The following TESC variants were observed in gnomAD, a reference collection of about 807,000 sequenced individuals.
The protein encoded by TESC is calcineurin B homologous protein 3.
A neutral mutation model predicts 31.0 loss-of-function variants in TESC; 19 were observed. The observed-to-expected ratio is 0.61, with a 90% CI of 0.43 to 0.90. The LOEUF (loss-of-function observed/expected upper bound fraction) is 0.90, where lower values mean the gene tolerates loss of function less well. TESC is among the 40% of genes least tolerant of loss of function. The pLI, the probability that TESC is intolerant of heterozygous loss-of-function variation, is 0.00. For synonymous variants in TESC, 109 were observed against 114.8 expected, an observed-to-expected ratio of 0.95 and a Z score of 0.32; for missense variants, 248 against 303.8, an observed-to-expected ratio of 0.82 and a Z score of 1.36.
intron 6 of TESC, among the ~76,000 whole-genome samples, chr12:117,043,686 G>A (rs1308400826): frequency 6.6e-6 from 1 of 152,054 alleles, no homozygotes; most frequent in African/African-American, 2.4e-5. Flanking sequence ...GGCTGGTCTC[G>A]AACTCCTGAC....
chr12:117,060,837 G>A (rs773514831), intron 2 of TESC, among the ~76,000 whole-genome samples: 1 of 152,192 alleles, frequency 6.6e-6, no homozygotes, highest in Non-Finnish European at 1.5e-5. Context: ...CCTGAGAAAG[G>A]GACCACGTGG....
At position 117,056,929 on chromosome 12, in the gene TESC, A is replaced by G. The variant is rs770302499; in HGVS notation, c.129-43T>C. 4 of 1,600,820 alleles carry G rather than the reference A, an allele frequency of 2.5e-6. No homozygotes were observed. The Admixed American group carries it at 6.7e-5, about 27-fold the overall frequency. On this transcript the variant is annotated intron_variant, in intron 2 of 7. Transcript: ENST00000335209. ...GAGATACCGGGAAGAGAATAAGGAA[A>G]GATAGCAGACGTCAGCTGGCATTTT...
chr12:117,059,392 C>G (rs964020629), intron 2 of TESC, among the ~76,000 whole-genome samples: 1 of 152,186 alleles, frequency 6.6e-6, no homozygotes, highest in African/African-American at 2.4e-5. Context: ...CTCATGGCCT[C>G]TGGCCAAACT....
chr12:117,061,400 C>CA (rs369485591), intron 2 of TESC, among the ~76,000 whole-genome samples: 2 of 152,172 alleles, frequency 1.3e-5, no homozygotes, highest in African/African-American at 4.8e-5. Flanking sequence ...CCCAGGTGTC[C>CA]AGACCCTGGA....
At chr12:117,065,444 A>G (rs936715168) in intron 2 of TESC, among the ~76,000 whole-genome samples, 1 of 152,190 alleles carries the variant, frequency 6.6e-6, no homozygotes, top group African/African-American at 2.4e-5. Context: ...GCTGCCGTTC[A>G]CCACAGAGGA....
At chr12:117,040,890 C>A (rs920094554) in intron 7 of TESC, among the ~76,000 whole-genome samples, 14 of 152,216 alleles carry the variant, frequency 9.2e-5, no homozygotes, top group Admixed American at 5.9e-4. Context: ...GGCTCCTTGG[C>A]CAGAAGCCGT....
intron 1 of TESC, among the ~76,000 whole-genome samples, chr12:117,078,337 G>A (rs1955100585): frequency 6.6e-6 from 1 of 152,078 alleles, no homozygotes; most frequent in African/African-American, 2.4e-5. Flanking sequence ...ATGGTGGTAG[G>A]TACCTGTAAT....
chr12:117,046,122 G>C (rs914416079), intron 6 of TESC, among the ~76,000 whole-genome samples: 1 of 152,170 alleles, frequency 6.6e-6, no homozygotes, highest in African/African-American at 2.4e-5. Context: ...ATCGGCTCTT[G>C]TCAGCCCCCA....
At chr12:117,089,666 G>C (rs1018380349) in intron 1 of TESC, among the ~76,000 whole-genome samples, 3 of 152,132 alleles carry the variant, frequency 2.0e-5, no homozygotes, top group Admixed American at 6.6e-5. Flanking sequence ...TAGCTGAAGA[G>C]AGAATTAGTG....
At chr12:117,091,972 T>C (rs1048917552) in intron 1 of TESC, among the ~76,000 whole-genome samples, 1 of 152,204 alleles carries the variant, frequency 6.6e-6, no homozygotes, top group Non-Finnish European at 1.5e-5. Context: ...CTCCCGGCAC[T>C]GCACTTGGCA....
In TESC at chr12:117,046,853, G is replaced by A; in HGVS notation, c.350-15C>T. On this transcript the variant is annotated splice_polypyrimidine_tract_variant and intron_variant, in intron 4 of 7. Coordinates refer to ENST00000335209, the MANE Select transcript of TESC (RefSeq NM_017899.4). ...GTGGAACAGAACTAGGGTGGCAGGG[G>A]AGAGAGGGGACTCCGTCAGGCGGGG... The A allele has an allele frequency of 6.4e-7, 1 of 1,561,442 alleles. No individual in the cohort carries two copies. The highest frequency in any genetic ancestry group is 1.2e-5 in the South Asian group (1 of 84,898).
chr12:117,064,860 A>T (rs1215699763), intron 2 of TESC, among the ~76,000 whole-genome samples: 2 of 152,324 alleles, frequency 1.3e-5, no homozygotes, highest in Admixed American at 1.3e-4. Flanking sequence ...GAGGCCAGGG[A>T]TGCTGCTCAG....
At chr12:117,055,822 G>A (rs947532071) in intron 3 of TESC, among the ~76,000 whole-genome samples, 2 of 152,108 alleles carry the variant, frequency 1.3e-5, no homozygotes, top group African/African-American at 4.8e-5. Flanking sequence ...AGCTCATGAG[G>A]CTTTGAGACC....
At chr12:117,051,737 G>T (rs74375460) in intron 3 of TESC, among the ~76,000 whole-genome samples, 22 of 152,180 alleles carry the variant, frequency 1.4e-4, no homozygotes, top group African/African-American at 5.1e-4. Context: ...CCTTCTCTGG[G>T]AACCTTGTGA....
chr12:117,050,367 G>A (rs1204679802), intron 3 of TESC, among the ~76,000 whole-genome samples: 1 of 152,208 alleles, frequency 6.6e-6, no homozygotes, highest in Non-Finnish European at 1.5e-5. Context: ...GCTCTCACTA[G>A]TTCAAAATTT....
intron 3 of TESC, among the ~76,000 whole-genome samples, chr12:117,056,159 G>A (rs1227204922): frequency 1.3e-5 from 2 of 151,988 alleles, no homozygotes; most frequent in African/African-American, 2.4e-5. Flanking sequence ...GACCTCAAGT[G>A]ATCTGCCCAT....
At chr12:117,083,550 A>G (rs1955177297) in intron 1 of TESC, among the ~76,000 whole-genome samples, 1 of 152,254 alleles carries the variant, frequency 6.6e-6, no homozygotes, top group African/African-American at 2.4e-5. Context: ...ACAGAACATT[A>G]TTCAGCAAAA....
intron 2 of TESC, among the ~76,000 whole-genome samples, chr12:117,067,783 T>A (rs905029623): frequency 6.6e-6 from 1 of 152,216 alleles, no homozygotes; most frequent in Non-Finnish European, 1.5e-5. Context: ...AAAATGGGGA[T>A]AATAATGTCA....
At chr12:117,047,276 T>G (rs1954582837) in intron 4 of TESC, among the ~76,000 whole-genome samples, 1 of 152,190 alleles carries the variant, frequency 6.6e-6, no homozygotes, top group African/African-American at 2.4e-5. Flanking sequence ...CCACAGTGCT[T>G]CTGATCTGGG....
Sources: allele counts gnomAD v4.1 joint callset (sites outside exome capture counted in the v4.1 genomes callset), GRCh38; gene constraint gnomAD v4.1.1; transcripts MANE v1.5; gene names NCBI Gene and HGNC (gene_info 2026-07-23, HGNC 2026-07-21).